The following ATP8B4 variants were observed in gnomAD, a reference collection of about 807,000 sequenced individuals.
ATP8B4 encodes probable phospholipid-transporting ATPase IM.
ATP8B4 carries 133 observed loss-of-function variants against 145.6 expected under a neutral mutation model. The ratio of observed to expected loss-of-function variants is 0.91; its 90% confidence interval spans 0.79 to 1.05. ATP8B4 has a LOEUF of 1.05. Among genes scored for constraint, ATP8B4 ranks in the 50% least tolerant of loss-of-function variants. The pLI, the probability that ATP8B4 is intolerant of heterozygous loss-of-function variation, is 0.00. For missense variants in ATP8B4, 1,458 were observed against 1,425.2 expected, an observed-to-expected ratio of 1.02 and a Z score of -0.37; for synonymous variants, 507 against 492.9, an observed-to-expected ratio of 1.03 and a Z score of -0.38.
chr15:50,043,972 AAAAAAG>A (rs1379658704), intron 5 of ATP8B4, among the ~76,000 whole-genome samples: 1 of 152,044 alleles, frequency 6.6e-6, no homozygotes, highest in Admixed American at 6.5e-5. Flanking sequence ...AAAAAAAAAA[AAAAAAG>A]AATACAGTGT....
chr15:49,890,598 C>T (rs1365399186), intron 23 of ATP8B4, among the ~76,000 whole-genome samples: 1 of 152,234 alleles, frequency 6.6e-6, no homozygotes, highest in African/African-American at 2.4e-5. Flanking sequence ...GACAGTGAAA[C>T]TGTCCCCCAT....
intron 26 of ATP8B4, among the ~76,000 whole-genome samples, chr15:49,864,381 TTCC>T (rs1436351107): frequency 1.6e-4 from 24 of 152,238 alleles, no homozygotes; most frequent in African/African-American, 5.8e-4. Flanking sequence ...AAGAATTTAC[TTCC>T]TCAATTAGTG....
chr15:50,072,263 T>C (rs2092466523), intron 3 of ATP8B4, among the ~76,000 whole-genome samples: 2 of 152,144 alleles, frequency 1.3e-5, no homozygotes, highest in African/African-American at 4.8e-5. Context: ...CCTCTTTGAA[T>C]TGAGACTTTC....
intron 1 of ATP8B4, among the ~76,000 whole-genome samples, chr15:50,108,427 C>CT (rs148405140): frequency 0.018 from 2,738 of 152,274 alleles, 84 homozygotes; most frequent in African/African-American, 0.063. Flanking sequence ...GAAAAAAACT[C>CT]TAACATGACT....
At chr15:49,978,815 G>GGTGTGT (rs60135914) in intron 12 of ATP8B4, among the ~76,000 whole-genome samples, 8,379 of 145,198 alleles carry the variant, frequency 0.058, 844 homozygotes, top group African/African-American at 0.2. Flanking sequence ...AATAAAGAGG[G>GGTGTGT]GTGTGTGTGT....
At chr15:50,021,845 G>A (rs1178045452) in intron 6 of ATP8B4, among the ~76,000 whole-genome samples, 2 of 152,162 alleles carry the variant, frequency 1.3e-5, no homozygotes, top group African/African-American at 4.8e-5. Flanking sequence ...AATACATATT[G>A]GTGAAGGAAT....
chr15:50,171,704 G>T (rs1221695312), intron 1 of ATP8B4, among the ~76,000 whole-genome samples: 3 of 151,860 alleles, frequency 2.0e-5, no homozygotes, highest in African/African-American at 4.8e-5. Context: ...AAATAACCAA[G>T]ATCAGAGCAG....
intron 12 of ATP8B4, among the ~76,000 whole-genome samples, chr15:49,976,671 T>A (rs778419512): frequency 6.6e-6 from 1 of 152,190 alleles, no homozygotes; most frequent in African/African-American, 2.4e-5. Flanking sequence ...TGTTATAGTA[T>A]AATCCAATGG....
At chr15:50,119,335 C>T (rs1413309386), upstream of ATP8B4, 2 of 152,270 alleles carry the variant, frequency 1.3e-5, no homozygotes, top group African/African-American at 2.4e-5. Context: ...CACTTACCAC[C>T]ACCGGAAGCT....
chr15:50,041,963 T>C (rs1265413228), intron 5 of ATP8B4, among the ~76,000 whole-genome samples: 1 of 148,604 alleles, frequency 6.7e-6, no homozygotes, highest in Non-Finnish European at 1.5e-5. Context: ...AAACAAAAAA[T>C]TTCCAACACA....
chr15:50,071,544 C>T (rs2053738239), intron 3 of ATP8B4, among the ~76,000 whole-genome samples: 1 of 152,154 alleles, frequency 6.6e-6, no homozygotes. Context: ...GGGTATTTTT[C>T]TCAAGGTCTT....
intron 2 of ATP8B4, among the ~76,000 whole-genome samples, chr15:50,077,625 G>A (rs909072581): frequency 2.0e-5 from 3 of 152,024 alleles, no homozygotes; most frequent in Non-Finnish European, 2.9e-5. Context: ...TAATTGATAG[G>A]TTCCCCTTTT....
intron 14 of ATP8B4, among the ~76,000 whole-genome samples, chr15:49,960,394 A>G (rs1451492968): frequency 6.6e-6 from 1 of 152,222 alleles, no homozygotes; most frequent in African/African-American, 2.4e-5. Context: ...AAATTCAGTA[A>G]TAGACCTAGT....
chr15:49,996,799 C>T, intron 8 of ATP8B4, 40 bp from the exon 9 acceptor site: 1 of 1,503,406 alleles, frequency 6.7e-7, no homozygotes, highest in Middle Eastern at 1.7e-4. Flanking sequence ...TTATATGGAA[C>T]AGCCCAACAG....
intron 23 of ATP8B4, among the ~76,000 whole-genome samples, chr15:49,881,429 T>G (rs2035398078): frequency 6.6e-6 from 1 of 152,284 alleles, no homozygotes; most frequent in South Asian, 2.1e-4. Context: ...CTCACAAAAT[T>G]CATGAAAATT....
At chr15:49,889,168 C>T (rs1290266721) in intron 23 of ATP8B4, among the ~76,000 whole-genome samples, 2 of 151,890 alleles carry the variant, frequency 1.3e-5, no homozygotes, top group Admixed American at 1.3e-4. Context: ...CCCAAGAGGT[C>T]ACTTATCATC....
At chr15:50,005,290 T>C (rs1281738648) in intron 7 of ATP8B4, among the ~76,000 whole-genome samples, 1 of 152,144 alleles carries the variant, frequency 6.6e-6, no homozygotes, top group Non-Finnish European at 1.5e-5. Context: ...ACTGAACATA[T>C]TTGGGTCCTC....
At chr15:49,919,279 C>T (rs1566988845) in intron 18 of ATP8B4, among the ~76,000 whole-genome samples, 1 of 152,168 alleles carries the variant, frequency 6.6e-6, no homozygotes, top group Non-Finnish European at 1.5e-5. Flanking sequence ...CTTATATCAA[C>T]AGTGGAGGAG....
At chr15:49,956,585 G>C (rs2413986) in intron 14 of ATP8B4, among the ~76,000 whole-genome samples, 35,900 of 152,070 alleles carry the variant, frequency 0.24, 4,881 homozygotes, top group East Asian at 0.59. Flanking sequence ...ACTCTCACCC[G>C]GGCTGGAATG....
Sources: gnomAD v4.1 joint callset for allele counts (sites outside exome capture counted in the v4.1 genomes callset) on GRCh38, gnomAD v4.1.1 for gene constraint, MANE v1.5 for transcripts, NCBI Gene and HGNC (gene_info 2026-07-23, HGNC 2026-07-21) for gene names.